The following LRRTM4 variants were observed in gnomAD, a reference collection of about 807,000 sequenced individuals.
LRRTM4 encodes the protein leucine-rich repeat transmembrane neuronal protein 4.
LRRTM4 carries 25 observed loss-of-function variants against 47.6 expected under a neutral mutation model. The observed-to-expected ratio is 0.53, with a 90% CI of 0.38 to 0.73. The LOEUF is 0.73. LRRTM4 is among the 30% of genes least tolerant of loss of function. LRRTM4 has a pLI of 0.00. For synonymous variants in LRRTM4, 311 were observed against 269.5 expected (o/e 1.15, Z -1.51); for missense variants, 638 against 713.4 (o/e 0.89, Z 1.20).
At chr2:77,072,211 C>T (rs751373461) in intron 3 of LRRTM4, among the ~76,000 whole-genome samples, 1 of 151,882 alleles carries the variant, frequency 6.6e-6, no homozygotes, top group African/African-American at 2.4e-5. Context: ...CCAGTTGGCA[C>T]CATAAAAATG....
chr2:77,392,737 A>C (rs957502579), intron 3 of LRRTM4, among the ~76,000 whole-genome samples: 14 of 152,016 alleles, frequency 9.2e-5, no homozygotes, highest in Admixed American at 4.6e-4. Context: ...TATTGAGAAG[A>C]TACTCCTCAA....
At chr2:77,298,934 A>T (rs1251130008) in intron 3 of LRRTM4, among the ~76,000 whole-genome samples, 1 of 152,152 alleles carries the variant, frequency 6.6e-6, no homozygotes, top group East Asian at 1.9e-4. Context: ...TTTACTATTG[A>T]TCAAGCTCTA....
intron 3 of LRRTM4, among the ~76,000 whole-genome samples, chr2:76,783,562 G>T (rs1674510193): frequency 6.6e-6 from 1 of 151,988 alleles, no homozygotes; most frequent in African/African-American, 2.4e-5. Flanking sequence ...CCTGGCCCAT[G>T]GCAAACGCCT....
At chr2:77,026,329 T>G (rs1573468177) in intron 3 of LRRTM4, among the ~76,000 whole-genome samples, 2 of 152,060 alleles carry the variant, frequency 1.3e-5, no homozygotes, top group South Asian at 2.1e-4. Context: ...ATAAAAGAAA[T>G]GAGGCTCAGA....
intron 3 of LRRTM4, among the ~76,000 whole-genome samples, chr2:76,930,903 T>G (rs753741188): frequency 6.6e-6 from 1 of 152,234 alleles, no homozygotes; most frequent in African/African-American, 2.4e-5. Flanking sequence ...ACATTCTTTA[T>G]AATTTTCTAG....
chr2:76,816,862 T>G (rs977679280), intron 3 of LRRTM4, among the ~76,000 whole-genome samples: 1 of 126,430 alleles, frequency 7.9e-6, no homozygotes, highest in Non-Finnish European at 1.6e-5. Flanking sequence ...TTTTTTTTTT[T>G]GGTGCTTAAG....
intron 3 of LRRTM4, among the ~76,000 whole-genome samples, chr2:77,091,341 T>G (rs1670631973): frequency 7.0e-6 from 1 of 142,198 alleles, no homozygotes. Flanking sequence ...CTAATCACCC[T>G]TACCCCACTC....
intron 3 of LRRTM4, among the ~76,000 whole-genome samples, chr2:77,232,369 T>G (rs1199493925): frequency 2.0e-5 from 3 of 152,252 alleles, no homozygotes; most frequent in African/African-American, 7.2e-5. Flanking sequence ...TAAATTCTAC[T>G]TAACATGTAT....
intron 3 of LRRTM4, among the ~76,000 whole-genome samples, chr2:76,904,819 G>A (rs926551864): frequency 2.0e-5 from 3 of 152,166 alleles, no homozygotes; most frequent in Non-Finnish European, 2.9e-5. Context: ...ACCACAAGGT[G>A]TTATGGTAAA....
intron 3 of LRRTM4, among the ~76,000 whole-genome samples, chr2:77,177,731 G>C (rs1673238822): frequency 6.6e-6 from 1 of 152,186 alleles, no homozygotes; most frequent in Admixed American, 6.5e-5. Context: ...CATTATGACT[G>C]AGTGATTTCT....
chr2:77,491,379 A>T (rs1257372353), intron 3 of LRRTM4, among the ~76,000 whole-genome samples: 2 of 152,206 alleles, frequency 1.3e-5, no homozygotes, highest in South Asian at 2.1e-4. Context: ...ATCAGATGGA[A>T]ATTAGAAATG....
intron 3 of LRRTM4, among the ~76,000 whole-genome samples, chr2:77,223,896 T>C (rs756399414): frequency 1.8e-4 from 27 of 152,102 alleles, no homozygotes; most frequent in South Asian, 1.5e-3. Context: ...GAGCACGCAT[T>C]GCCAAGACAA....
rs549754433 is a variant in LRRTM4, at chr2:77,486,646, A to G, written c.1551+31672T>C. ...TATTTAGCATATAATGAATGCACAG[A>G]ATGTAAAATGTAACAAATATTTGAG... On this transcript the variant is annotated intron_variant, in intron 3 of 3. Coordinates refer to ENST00000409884, the MANE Select transcript of LRRTM4 (RefSeq NM_001134745.3). 7.4e-4 allele frequency among the ~76,000 whole-genome samples: 112 copies of G among 152,354 alleles called. 1 individual carries two copies. Among genetic ancestry groups the G allele is most frequent in the African/African-American group, 2.5e-3 (103 of 41,586 alleles).
intron 3 of LRRTM4, among the ~76,000 whole-genome samples, chr2:77,106,966 C>G (rs1273955485): frequency 2.0e-5 from 3 of 151,876 alleles, no homozygotes; most frequent in Non-Finnish European, 4.4e-5. Flanking sequence ...AAAAAAGAAA[C>G]TATATGTAAG....
chr2:77,318,718 G>C (rs779767420), intron 3 of LRRTM4, among the ~76,000 whole-genome samples: 22 of 152,026 alleles, frequency 1.4e-4, no homozygotes, highest in South Asian at 4.2e-4. Context: ...TTTTAGAATG[G>C]GTAGTTTCTT....
intron 3 of LRRTM4, among the ~76,000 whole-genome samples, chr2:77,156,818 C>T (rs1672573122): frequency 1.3e-5 from 2 of 151,802 alleles, no homozygotes; most frequent in African/African-American, 2.4e-5. Context: ...GCAATTCTGC[C>T]ACCTCCGCCT....
intron 3 of LRRTM4, among the ~76,000 whole-genome samples, chr2:77,149,221 A>T (rs1473179260): frequency 6.6e-6 from 1 of 152,170 alleles, no homozygotes; most frequent in Admixed American, 6.5e-5. Context: ...TAAAAAATAA[A>T]ATATCTCAAT....
chr2:76,817,363 T>C lies in LRRTM4; in HGVS notation c.1552-68447A>G, dbSNP rs1196621023. ...CACTGGTATATTCAAGTTGGTATGA[T>C]TATTAAGGAAGTAAAAGACAAAACA... On this transcript the variant is annotated intron_variant, in intron 3 of 3. Transcript: ENST00000409884. Among the ~76,000 whole-genome samples, 3 of 152,068 alleles carry C rather than the reference T, an allele frequency of 2.0e-5. No homozygotes were observed. The East Asian group carries it at 5.8e-4, about 29-fold the overall frequency.
chr2:77,413,840 T>G (rs955960240), intron 3 of LRRTM4, among the ~76,000 whole-genome samples: 5 of 89,210 alleles, frequency 5.6e-5, no homozygotes, highest in Non-Finnish European at 1.5e-4. Context: ...CTGTCTAGTT[T>G]TATACACACA....
Sources: allele counts gnomAD v4.1 joint callset (sites outside exome capture counted in the v4.1 genomes callset), GRCh38; gene constraint gnomAD v4.1.1; transcripts MANE v1.5; gene names NCBI Gene and HGNC (gene_info 2026-07-23, HGNC 2026-07-21).